The following FIBP variants were observed in gnomAD, a reference collection of about 807,000 sequenced individuals.
FIBP encodes acidic fibroblast growth factor intracellular-binding protein.
FIBP carries 29 observed loss-of-function variants against 40.5 expected under a neutral mutation model. That is an observed-to-expected ratio of 0.72 (90% CI 0.53 to 0.98). The LOEUF (loss-of-function observed/expected upper bound fraction) is 0.98, where lower values mean the gene tolerates loss of function less well. FIBP is among the 50% of genes least tolerant of loss of function. The probability of loss-of-function intolerance (pLI) is 0.00; values close to 1 mark genes in which losing one functional copy is unlikely to be tolerated. For missense variants in FIBP, 411 were observed against 470.2 expected (o/e 0.87, Z 1.16); for synonymous variants, 215 against 191.1 (o/e 1.13, Z -1.03).
At position 65,884,644 on chromosome 11, in the gene FIBP, C is replaced by T. The variant is rs1163485250; in HGVS notation, c.832G>A (p.Gly278Arg). 1 of 1,614,128 alleles carries T rather than the reference C, an allele frequency of 6.2e-7. No homozygotes were observed. The highest frequency in any genetic ancestry group is 8.5e-7 in the Non-Finnish European group (1 of 1,180,024). Residue 278 changes from glycine to arginine, a missense_variant, in exon 8 of 10, where the codon GGG becomes AGG. By Grantham distance (125) the Gly-to-Arg change is moderately radical (BLOSUM62 -2). Coordinates refer to ENST00000357519, the MANE Select transcript of FIBP (RefSeq NM_004214.5). ...AGCTTGGCGGCCACGTTCACCAGCCCCCGGGACAGGTTCTGTGGGGCAGGG... is the reference window on the plus strand; with the variant it reads ...AGCTTGGCGGCCACGTTCACCAGCCTCCGGGACAGGTTCTGTGGGGCAGGG... Reference protein sequence around the residue: ...MEANFKNLSRGLVNVAAKLTH... With the variant: ...MEANFKNLSRRLVNVAAKLTH...
At chr11:65,885,345 TG>T in intron 5 of FIBP, 159 bp from the exon 6 acceptor site, 1 of 900,124 alleles carries the variant, frequency 1.1e-6, no homozygotes, top group Admixed American at 2.1e-5. Context: ...AGAGAGGCAA[TG>T]GGCCCTTTGT....
In FIBP at chr11:65,884,603, A is replaced by G; in HGVS notation, c.873T>C (p.Asp291=). The change falls in exon 8 of 10, where the codon GAT becomes GAC. Residue 291 remains aspartate, a synonymous_variant. Transcript: ENST00000357519. ...CGAGGTCCACAAACAGGTCTCTGAC[A>G]TCTTTATTGTGGGTCAGCTTGGCGG... ...NVAAKLTHNK[D]VRDLFVDLVE... 1 of 1,614,184 alleles carries G rather than the reference A, an allele frequency of 6.2e-7. No homozygotes were observed. Among genetic ancestry groups the G allele is most frequent in the Non-Finnish European group, 8.5e-7 (1 of 1,180,030 alleles).
intron 3 of FIBP, chr11:65,887,103 A>G: frequency 4.4e-6 from 1 of 226,028 alleles, no homozygotes; most frequent in Non-Finnish European, 8.9e-6. Context: ...ATAAAATTTC[A>G]GGTCATTCTG....
chr11:65,887,544 AAGGG>A (rs769365962), intron 3 of FIBP, 52 bp downstream of exon 3: 12 of 1,602,394 alleles, frequency 7.5e-6, no homozygotes, highest in South Asian at 4.4e-5. Context: ...CCAGTGGCCA[AAGGG>A]AGGGAGTGAA....
rs961517071 is a variant in FIBP at position 65,888,425 on chromosome 11, G to C, written c.-7C>G. 3.2e-6 allele frequency: 5 copies of C among 1,559,518 alleles called. No homozygotes were observed. In the East Asian group the frequency reaches 7.2e-5, roughly 22 times the overall value. On this transcript the variant is annotated 5_prime_UTR_variant, in exon 1 of 10. Coordinates refer to ENST00000357519, the MANE Select transcript of FIBP (RefSeq NM_004214.5). ...TGTCCAGCTCACTGGTCATGGCGAC[G>C]CCCGGGGCCGCAGCGCCCCGAGCAG...
At position 65,888,105 on chromosome 11, in the gene FIBP, C is replaced by A. The variant is rs1474488758; in HGVS notation, c.113G>T (p.Arg38Leu). ...SVTDAVALRV[R>L]SGILEQTGAT... Reference sequence around the variant, plus strand: ...GCCAGTCTGCTCCAGGATTCCCGAGCGCACCCGCAGGGCCACCGCGTCGGT... The same window carrying A: ...GCCAGTCTGCTCCAGGATTCCCGAGAGCACCCGCAGGGCCACCGCGTCGGT... The change falls in exon 2 of 10, where the codon CGC (arginine) becomes CTC (leucine). Residue 38 changes from arginine (R) to leucine (L), a missense_variant. Arg to Leu is a moderately radical substitution (Grantham distance 102). Transcript: ENST00000357519. 1.6e-5 allele frequency: 25 copies of A among 1,590,166 alleles called. No individual in the cohort carries two copies. Among genetic ancestry groups the A allele is most frequent in the Non-Finnish European group, 2.1e-5 (25 of 1,171,380 alleles).
chr11:65,886,572 C>A, intron 3 of FIBP, 150 bp from the exon 4 acceptor site: 1 of 623,042 alleles, frequency 1.6e-6, no homozygotes. Flanking sequence ...CTTCAACCAA[C>A]TATTAGTTAT....
At position 65,884,618 on chromosome 11, in the gene FIBP, C is replaced by T; in HGVS notation, c.858G>A (p.Leu286=). 6.2e-7 allele frequency: 1 copy of T among 1,614,186 alleles called. No homozygotes were observed. The highest frequency in any genetic ancestry group is 8.5e-7 in the Non-Finnish European group (1 of 1,180,036). ...SRGLVNVAAK[L]THNKDVRDLF... is the part of the protein sequence containing the mutation. ...GGTCTCTGACATCTTTATTGTGGGTCAGCTTGGCGGCCACGTTCACCAGCC... is the reference window on the plus strand; with the variant it reads ...GGTCTCTGACATCTTTATTGTGGGTTAGCTTGGCGGCCACGTTCACCAGCC... The change falls in exon 8 of 10, where the codon CTG becomes CTA. Residue 286 remains leucine, a synonymous_variant. Coordinates refer to ENST00000357519, the MANE Select transcript of FIBP (RefSeq NM_004214.5).
rs780872889 is a variant in FIBP at position 65,884,406 on chromosome 11, G to C, written c.990C>G (p.Ser330=). ...FLNQYSASVH[S]LDGFRHQALW... Reference sequence around the variant, plus strand: ...GGGCTGCTCACCGGAAGCCATCGAGGGAGTGGACAGACGCTGAATACTGAT... The same window carrying C: ...GGGCTGCTCACCGGAAGCCATCGAGCGAGTGGACAGACGCTGAATACTGAT... Residue 330 remains serine, a synonymous_variant, in exon 9 of 10, where the codon TCC becomes TCG. Transcript: ENST00000357519. 7.4e-6 allele frequency: 12 copies of C among 1,613,944 alleles called. No homozygotes were observed. Among genetic ancestry groups the C allele is most frequent in the Non-Finnish European group, 1.0e-5 (12 of 1,179,968 alleles).
chr11:65,884,268 CCA>C, intron 9 of FIBP, 122 bp downstream of exon 9: 1 of 924,754 alleles, frequency 1.1e-6, no homozygotes, highest in Non-Finnish European at 1.7e-6. Flanking sequence ...GAGCTTTGGT[CCA>C]GAGACTTTGG....
rs773847184 is a variant in FIBP, at chr11:65,887,920, C to T, written c.284+14G>A. 3.0e-5 allele frequency: 48 copies of T among 1,611,802 alleles called. No individual in the cohort carries two copies. Among genetic ancestry groups the T allele is most frequent in the Non-Finnish European group, 3.9e-5 (46 of 1,178,884 alleles). ...AGACTGGTTGATGTCTCCACCATCC[C>T]AGAGGGTGAGCACCTCTCGATGAGT... On this transcript the variant is annotated intron_variant, in intron 2 of 9. Coordinates refer to ENST00000357519, the MANE Select transcript of FIBP (RefSeq NM_004214.5).
At chr11:65,885,708 C>T in intron 4 of FIBP, 45 bp from the exon 5 acceptor site, 2 of 1,556,678 alleles carry the variant, frequency 1.3e-6, no homozygotes, top group Non-Finnish European at 1.7e-6. Context: ...GAAATTCCTT[C>T]TTAGGAAGCA....
Position 65,883,871 on chromosome 11 carries a change from A to G in FIBP, c.*103T>C. On this transcript the variant is annotated 3_prime_UTR_variant, in exon 10 of 10. Coordinates refer to ENST00000357519, the MANE Select transcript of FIBP (RefSeq NM_004214.5). ...GGACACCAGGTGCTCAGAGACAGAC[A>G]CAGGCACATCTGCACGCCCCCCACT... The G allele has an allele frequency of 9.9e-7, 1 of 1,012,098 alleles. No individual in the cohort carries two copies. The highest frequency in any genetic ancestry group is 1.5e-6 in the Non-Finnish European group (1 of 668,636). 62.7% of individuals were successfully genotyped at this position (1,012,098 alleles called of 1,614,324 possible).
At chr11:65,886,138 C>A in intron 4 of FIBP, 184 bp downstream of exon 4, 1 of 541,856 alleles carries the variant, frequency 1.8e-6, no homozygotes, top group Non-Finnish European at 3.3e-6. Context: ...TGCATTCCAG[C>A]CTGGGCAACA....
rs771026060 is a variant in FIBP at position 65,886,349 on chromosome 11, T to C, written c.485A>G (p.His162Arg). The C allele has an allele frequency of 6.2e-7, 1 of 1,613,590 alleles. No homozygotes were observed. The highest frequency in any genetic ancestry group is 1.1e-5 in the South Asian group (1 of 91,056). The change falls in exon 4 of 10, where the codon CAC becomes CGC. Residue 162 changes from histidine to arginine, a missense_variant. His to Arg is a conservative substitution (Grantham distance 29). Coordinates refer to ENST00000357519, the MANE Select transcript of FIBP (RefSeq NM_004214.5). ...GGCCAACCGGTCAGAGAGGAGGAAG[T>C]GTTGCTGAATATTGTCCACCAGGGA... The part of the protein sequence containing the change: ...RGSLVDNIQQ[H>R]FLLSDRLARD...
Position 65,886,407 on chromosome 11 carries a change from GTT to G in FIBP, c.425_426del (p.Lys142ThrfsTer25). On this transcript the variant is annotated frameshift_variant, in exon 4 of 10. Transcript: ENST00000357519. LOFTEE classifies it high-confidence loss of function. ...ATTTCCTCTACCACCTTGAAGACCC[GTT>G]TAAAGTTGTCAAACTGCAGGGCAGT... ...KSCRRQFDNF[K>X]RVFKVVEEMR... 1 of 1,613,340 alleles carries G rather than the reference GTT, an allele frequency of 6.2e-7. No homozygotes were observed. The highest frequency in any genetic ancestry group is 8.5e-7 in the Non-Finnish European group (1 of 1,179,374).
chr11:65,888,446 A>G lies in FIBP; in HGVS notation c.-28T>C. The stretch of plus-strand genomic sequence containing the variant: ...CGACGCCCGGGGCCGCAGCGCCCCG[A>G]GCAGGAGCGAGCACTGCTCGGGACT... On this transcript the variant is annotated 5_prime_UTR_variant, in exon 1 of 10. Transcript: ENST00000357519. 1.3e-6 allele frequency: 2 copies of G among 1,531,644 alleles called. No homozygotes were observed. The highest frequency in any genetic ancestry group is 1.8e-6 in the Non-Finnish European group (2 of 1,131,032). 94.9% of individuals were successfully genotyped at this position (1,531,644 alleles called of 1,614,324 possible).
At chr11:65,888,157 G>A in intron 1 of FIBP, 25 bp from the exon 2 acceptor site, 1 of 1,534,754 alleles carries the variant, frequency 6.5e-7, no homozygotes, top group Non-Finnish European at 8.8e-7. Context: ...CTAGCATCAG[G>A]CCCCGCCCCG....
rs562533989 is a variant in FIBP, at chr11:65,888,460, C to A, written c.-42G>T. 9 of 1,481,024 alleles carry A rather than the reference C, an allele frequency of 6.1e-6. No homozygotes were observed. Among genetic ancestry groups the A allele is most frequent in the East Asian group, 2.5e-5 (1 of 40,522 alleles). The allele number at this position is 1,481,024 out of a possible 1,614,324, so 91.7% of individuals were successfully genotyped here. A position where few individuals can be genotyped will look rare whatever the true frequency, so the allele number is the denominator to read the frequency against. ...GCAGCGCCCCGAGCAGGAGCGAGCA[C>A]TGCTCGGGACTGGCGCGCCGCCTTC... On this transcript the variant is annotated 5_prime_UTR_variant, in exon 1 of 10. Coordinates refer to ENST00000357519, the MANE Select transcript of FIBP (RefSeq NM_004214.5).
Sources: gnomAD v4.1 joint callset for allele counts on GRCh38, gnomAD v4.1.1 for gene constraint, MANE v1.5 for transcripts, NCBI Gene and HGNC (gene_info 2026-07-23, HGNC 2026-07-21) for gene names.